Variants in EPAS1 observed in about 807,000 individuals in gnomAD.
EPAS1 encodes endothelial PAS domain-containing protein 1.
EPAS1 carries 23 observed loss-of-function variants against 87.9 expected under a neutral mutation model. The observed-to-expected ratio is 0.26, with a 90% CI of 0.19 to 0.37. The LOEUF is 0.37. EPAS1 is among the 10% of genes least tolerant of loss of function. EPAS1 has a pLI of 1.00. For missense variants in EPAS1, 1,138 were observed against 1,120.7 expected (o/e 1.02, Z -0.22); for synonymous variants, 508 against 444.3 (o/e 1.14, Z -1.80).
intron 1 of EPAS1, among the ~76,000 whole-genome samples, chr2:46,317,381 C>T (rs1321148853): frequency 1.3e-5 from 2 of 152,154 alleles, no homozygotes; most frequent in East Asian, 3.9e-4. Context: ...GATCCATGGG[C>T]TTCAGAATGG....
chr2:46,327,892 G>A (rs1477192331), intron 1 of EPAS1, among the ~76,000 whole-genome samples: 1 of 152,214 alleles, frequency 6.6e-6, no homozygotes, highest in African/African-American at 2.4e-5. Context: ...TCTTTGGGAA[G>A]AGCTTAATAT....
chr2:46,377,777 C>A (rs2103666739), intron 9 of EPAS1, 117 bp from the exon 10 acceptor site: 1 of 1,532,966 alleles, frequency 6.5e-7, no homozygotes, highest in East Asian at 2.5e-5. Context: ...GGGGGCCTAG[C>A]CCCAGGCATG....
Position 46,360,893 on chromosome 2 carries a change from C to T in EPAS1, c.582C>T (p.His194=), listed in dbSNP as rs944858119. The change falls in exon 6 of 16, where the codon CAC becomes CAT. Residue 194 remains histidine, a synonymous_variant. Coordinates refer to ENST00000263734, the MANE Select transcript of EPAS1 (RefSeq NM_001430.5). The surrounding 1 kb of genome is among the most constrained non-coding windows in gnomAD (Gnocchi z 4.5). The part of the protein sequence containing the change: ...NLKSATWKVL[H]CTGQVKVYNN... Reference sequence around the variant, plus strand: ...TTCCACGCCTGTCTCAGGTCTTGCACTGCACGGGCCAGGTGAAAGTCTACA... The same window carrying T: ...TTCCACGCCTGTCTCAGGTCTTGCATTGCACGGGCCAGGTGAAAGTCTACA... 3 of 1,614,208 alleles carry T rather than the reference C, an allele frequency of 1.9e-6. No individual in the cohort carries two copies. The highest frequency in any genetic ancestry group is 1.1e-5 in the South Asian group (1 of 91,080).
Position 46,369,930 on chromosome 2 carries a change from A to G in EPAS1, c.883A>G (p.Asn295Asp). The part of the protein sequence containing the change: ...DSENMTKSHQ[N>D]LCTKGQVVSG... ...CGAGAACATGACCAAGAGTCACCAG[A>G]ACTGTGAGTTCCAGGAGTGCCCCTT... Residue 295 changes from asparagine to aspartate, a missense_variant, in exon 7 of 16, where the codon AAC becomes GAC. By Grantham distance (23) the Asn-to-Asp change is conservative. This residue lies in a region of EPAS1 where 351 missense variants were observed against 417.1 expected (regional missense o/e 0.84). Coordinates refer to ENST00000263734, the MANE Select transcript of EPAS1 (RefSeq NM_001430.5). 5 of 1,608,428 alleles carry G rather than the reference A, an allele frequency of 3.1e-6. No individual in the cohort carries two copies. Among genetic ancestry groups the G allele is most frequent in the Non-Finnish European group, 4.2e-6 (5 of 1,176,730 alleles).
At chr2:46,352,311 C>T (rs1306077649) in intron 2 of EPAS1, among the ~76,000 whole-genome samples, 1 of 152,200 alleles carries the variant, frequency 6.6e-6, no homozygotes, top group Non-Finnish European at 1.5e-5. Context: ...ACCAGTCTGT[C>T]GATTCCGAGG....
chr2:46,369,900 G>A lies in EPAS1; in HGVS notation c.853G>A (p.Asp285Asn). Residue 285 changes from aspartate to asparagine, a missense_variant, in exon 7 of 16, where the codon GAC becomes AAC. Physicochemically the swap from Asp to Asn is conservative, Grantham distance 23. Transcript: ENST00000263734. ...RSAYEFYHALDSENMTKSHQN... is the reference protein window; with the variant it reads ...RSAYEFYHALNSENMTKSHQN... ...AGCCTATGAATTCTACCATGCGCTAGACTCCGAGAACATGACCAAGAGTCA... is the reference window on the plus strand; with the variant it reads ...AGCCTATGAATTCTACCATGCGCTAAACTCCGAGAACATGACCAAGAGTCA... 1 of 1,612,492 alleles carries A rather than the reference G, an allele frequency of 6.2e-7. No individual in the cohort carries two copies. The highest frequency in any genetic ancestry group is 8.5e-7 in the Non-Finnish European group (1 of 1,179,302).
chr2:46,341,206 A>C (rs1683905338), intron 1 of EPAS1, among the ~76,000 whole-genome samples: 2 of 152,304 alleles, frequency 1.3e-5, no homozygotes, highest in Middle Eastern at 6.8e-3. Flanking sequence ...ATTCTTTTCA[A>C]TACCTTCAAT....
At chr2:46,376,502 A>G (rs754911768) in intron 8 of EPAS1, 37 bp from the exon 9 acceptor site, 1 of 1,609,556 alleles carries the variant, frequency 6.2e-7, no homozygotes. Flanking sequence ...TTTCTAGAAA[A>G]TGTGGAAAGT....
In EPAS1 at chr2:46,302,164, G is replaced by GC. The variant is rs1009981218; in HGVS notation, c.26+4227_26+4228insC. Among the ~76,000 whole-genome samples the GC allele has an allele frequency of 8.3e-4, 123 of 148,644 alleles. 6 individuals are homozygous for GC. The highest frequency in any genetic ancestry group is 2.9e-3 in the African/African-American group (116 of 40,288). ...TGTGTGTGTGTGCCCGTGCGTCGGG[G>GC]GGGGGGGCAGTGGTGATTCTCAACT... On this transcript the variant is annotated intron_variant, in intron 1 of 15. Coordinates refer to ENST00000263734, the MANE Select transcript of EPAS1 (RefSeq NM_001430.5).
Position 46,382,562 on chromosome 2 carries a change from C to G in EPAS1, c.2425C>G (p.Gln809Glu), listed in dbSNP as rs1052075936. Reference protein sequence around the residue: ...FPPQCYATQYQDYSLSSAHKV... With the variant: ...FPPQCYATQYEDYSLSSAHKV... ...CCCACAGTGCTACGCCACCCAGTAC[C>G]AGGACTACAGCCTGTCGTCAGCCCA... The change falls in exon 15 of 16, where the codon CAG (glutamine) becomes GAG (glutamate). Residue 809 changes from glutamine to glutamate, a missense_variant. By Grantham distance (29) the Gln-to-Glu change is conservative. Coordinates refer to ENST00000263734, the MANE Select transcript of EPAS1 (RefSeq NM_001430.5). 2.5e-6 allele frequency: 4 copies of G among 1,614,134 alleles called. No individual in the cohort carries two copies. The South Asian group carries it at 4.4e-5, about 18-fold the overall frequency.
rs1239861828 is a variant in EPAS1 at position 46,381,747 on chromosome 2, G to C, written c.2172+25G>C. 6 of 1,613,370 alleles carry C rather than the reference G, an allele frequency of 3.7e-6. No individual in the cohort carries two copies. The African/African-American group carries it at 8.0e-5, about 22-fold the overall frequency. On this transcript the variant is annotated intron_variant, in intron 13 of 15. Coordinates refer to ENST00000263734, the MANE Select transcript of EPAS1 (RefSeq NM_001430.5). The stretch of plus-strand genomic sequence containing the variant: ...GGTGAGTCATCCCCACTGGCCACAG[G>C]GGCCTCTCCATAGCCCTTAGGGAAC...
intron 1 of EPAS1, among the ~76,000 whole-genome samples, chr2:46,320,269 T>C (rs1040753416): frequency 6.6e-6 from 1 of 152,222 alleles, no homozygotes; most frequent in African/African-American, 2.4e-5. Flanking sequence ...GCTCCCTTAG[T>C]TGGTCATTAC....
In EPAS1 at chr2:46,386,584, T is replaced by C. The variant is rs2103686749; in HGVS notation, c.*1924T>C. On this transcript the variant is annotated 3_prime_UTR_variant, in exon 16 of 16. Transcript: ENST00000263734. ...CCTACCTGTCAACGTAACGATTTCA[T>C]GAACGTTATTATATTGTCGAATTCC... 1 of 152,792 alleles carries C rather than the reference T, an allele frequency of 6.5e-6. No homozygotes were observed. Among genetic ancestry groups the C allele is most frequent in the East Asian group, 1.9e-4 (1 of 5,190 alleles). The allele number at this position is 152,792 out of a possible 1,614,324, so 9.5% of individuals were successfully genotyped here.
rs376889179 is a variant in EPAS1, at chr2:46,346,881, C to T, written c.35C>T (p.Ser12Leu). The change falls in exon 2 of 16, where the codon TCG (serine) becomes TTG (leucine). Residue 12 changes from serine to leucine, a missense_variant. Transcript: ENST00000263734. This position sits in a 1 kb window ranked among gnomAD's most constrained non-coding sequence, Gnocchi z 4.0. ...TADKEKKRSS[S>L]ERRKEKSRDA... ...CCTTCTTCTCCACTTAGGAGTAGCT[C>T]GGAGAGGAGGAAGGAGAAGTCCCGG... The T allele has an allele frequency of 7.4e-5, 120 of 1,614,030 alleles. No homozygotes were observed. The highest frequency in any genetic ancestry group is 5.2e-4 in the Admixed American group (31 of 60,012).
Position 46,385,563 on chromosome 2 carries a change from A to G in EPAS1, c.*903A>G, listed in dbSNP as rs930021541. 1 of 152,258 alleles carries G rather than the reference A, an allele frequency of 6.6e-6. No individual in the cohort carries two copies. Among genetic ancestry groups the G allele is most frequent in the Non-Finnish European group, 1.5e-5 (1 of 68,048 alleles). The allele number at this position is 152,258 out of a possible 1,614,324, so 9.4% of individuals were successfully genotyped here. On this transcript the variant is annotated 3_prime_UTR_variant, in exon 16 of 16. Transcript: ENST00000263734. ...CAGTGCTCCCACGGCCTGTACGGAC[A>G]CTGTGGAAGGCCTCCCTCTGTCGGC...
chr2:46,312,208 G>T (rs932595120), intron 1 of EPAS1, among the ~76,000 whole-genome samples: 8 of 152,160 alleles, frequency 5.3e-5, no homozygotes. Context: ...GATTGTAAAT[G>T]CTCCCGAGTC....
At position 46,378,666 on chromosome 2, in the gene EPAS1, C is replaced by T. The variant is rs986865011; in HGVS notation, c.1453C>T (p.Pro485Ser). ...CCTTCCTGGCCCCTAGCCCAATAGC[C>T]CTGAAGACTATTACACATCTTTGGA... ...SSSSCSTPNS[P>S]EDYYTSLDND... The change falls in exon 11 of 16, where the codon CCT (proline) becomes TCT (serine). Residue 485 changes from proline (P) to serine (S), a missense_variant. Pro to Ser is a moderately conservative substitution (Grantham distance 74). Around this residue, in one of 4 missense-constraint regions of EPAS1, gnomAD observed 284 missense variants for 258.4 expected, o/e 1.10. Coordinates refer to ENST00000263734, the MANE Select transcript of EPAS1 (RefSeq NM_001430.5). 3.1e-6 allele frequency: 5 copies of T among 1,613,932 alleles called. No homozygotes were observed. The African/African-American group carries it at 5.3e-5, about 17-fold the overall frequency.
At chr2:46,313,929 G>T (rs569582405) in intron 1 of EPAS1, among the ~76,000 whole-genome samples, 9 of 152,330 alleles carry the variant, frequency 5.9e-5, no homozygotes, top group African/African-American at 2.2e-4. Context: ...ATCTGAGGTT[G>T]TCAGGTCTTT....
intron 1 of EPAS1, among the ~76,000 whole-genome samples, chr2:46,306,449 T>A (rs1015371360): frequency 6.6e-6 from 1 of 152,210 alleles, no homozygotes; most frequent in African/African-American, 2.4e-5. Flanking sequence ...TGTACCACCT[T>A]GGGCTCCAGT....
Sources: allele counts gnomAD v4.1 joint callset (sites outside exome capture counted in the v4.1 genomes callset), GRCh38; gene constraint gnomAD v4.1.1; regional missense constraint gnomAD v4.1.1; non-coding constraint Gnocchi (gnomAD v3.1); transcripts MANE v1.5; gene names NCBI Gene and HGNC (gene_info 2026-07-23, HGNC 2026-07-21).